Variants in NRXN1 observed in about 807,000 individuals in gnomAD.
NRXN1 encodes the protein neurexin-1.
Under a neutral mutation model 150.9 loss-of-function variants are expected in NRXN1, and 39 were observed. The ratio of observed to expected loss-of-function variants is 0.26; its 90% CI spans 0.20 to 0.34. The LOEUF is 0.34. Among genes scored for constraint, NRXN1 ranks in the 10% least tolerant of loss-of-function variants. NRXN1 has a pLI of 1.00. For missense variants in NRXN1, 1,815 were observed against 1,949.9 expected (o/e 0.93, Z 1.30); for synonymous variants, 924 against 757.0 (o/e 1.22, Z -3.62).
intron 17 of NRXN1, among the ~76,000 whole-genome samples, chr2:50,374,011 C>A (rs372216251): frequency 1.3e-5 from 2 of 151,850 alleles, no homozygotes; most frequent in South Asian, 2.1e-4. Flanking sequence ...TAGAATTGCA[C>A]GATGGAGGCT....
intron 21 of NRXN1, among the ~76,000 whole-genome samples, chr2:50,021,975 C>T (rs892803971): frequency 2.6e-5 from 4 of 152,128 alleles, no homozygotes; most frequent in Non-Finnish European, 4.4e-5. Flanking sequence ...CTCAGACTCC[C>T]GAGTAGCTGG....
chr2:50,551,283 C>T (rs936634404), intron 9 of NRXN1: 3 of 152,150 alleles, frequency 2.0e-5, no homozygotes, highest in African/African-American at 7.2e-5. Context: ...TCCTTCTCTC[C>T]ACACTCACTC....
intron 15 of NRXN1, among the ~76,000 whole-genome samples, chr2:50,479,767 CT>C (rs35301086): frequency 2.8e-3 from 225 of 79,856 alleles, no homozygotes; most frequent in African/African-American, 0.01. Flanking sequence ...ATTTCTTTTT[CT>C]TTTTTTTTTT....
chr2:50,292,824 A>G (rs2073095591), intron 17 of NRXN1, among the ~76,000 whole-genome samples: 2 of 152,132 alleles, frequency 1.3e-5, no homozygotes, highest in Non-Finnish European at 2.9e-5. Flanking sequence ...AATCTCAATA[A>G]TGCCAAATCT....
At chr2:50,042,262 C>T (rs59109797) in intron 21 of NRXN1, among the ~76,000 whole-genome samples, 2,580 of 152,174 alleles carry the variant, frequency 0.017, 76 homozygotes, top group African/African-American at 0.059. Context: ...AATTGTAGTT[C>T]CCATAATCCC....
intron 17 of NRXN1, among the ~76,000 whole-genome samples, chr2:50,323,571 C>CTATATATATATATA (rs149609146): frequency 1.0e-4 from 15 of 144,376 alleles, no homozygotes; most frequent in African/African-American, 3.8e-4. Flanking sequence ...GGGAAATAAA[C>CTATATATATATATA]TATATATATA....
chr2:50,123,323 G>A (rs1007735090), intron 18 of NRXN1, among the ~76,000 whole-genome samples: 3 of 152,114 alleles, frequency 2.0e-5, no homozygotes, highest in African/African-American at 4.8e-5. Context: ...AGGAGGTAAC[G>A]AACCATGTTA....
At chr2:50,985,842 A>C (rs1575131987) in intron 2 of NRXN1, among the ~76,000 whole-genome samples, 1 of 151,874 alleles carries the variant, frequency 6.6e-6, no homozygotes. Flanking sequence ...AATGTTTAAA[A>C]AGACTATATA....
chr2:49,974,027 G>C (rs1263035249), intron 21 of NRXN1: 1 of 717,290 alleles, frequency 1.4e-6, no homozygotes, highest in Non-Finnish European at 2.6e-6. Flanking sequence ...TGCGTGCTTA[G>C]AGCTTTTTTC....
At chr2:50,062,491 T>C (rs1694694613) in intron 19 of NRXN1, among the ~76,000 whole-genome samples, 2 of 152,196 alleles carry the variant, frequency 1.3e-5, no homozygotes, top group Non-Finnish European at 2.9e-5. Flanking sequence ...TTATTATCAT[T>C]GCCCAAATGG....
intron 15 of NRXN1, among the ~76,000 whole-genome samples, chr2:50,477,153 G>A (rs996824664): frequency 1.3e-5 from 2 of 152,072 alleles, no homozygotes; most frequent in African/African-American, 4.8e-5. Flanking sequence ...AGGCTTGACT[G>A]GAAGAGAGGA....
At chr2:50,089,881 G>T (rs1699332887) in intron 19 of NRXN1, among the ~76,000 whole-genome samples, 1 of 152,170 alleles carries the variant, frequency 6.6e-6, no homozygotes, top group African/African-American at 2.4e-5. Flanking sequence ...GGGATTAGCA[G>T]GGGCTATGTA....
chr2:50,812,720 AAG>A (rs1011124459), intron 5 of NRXN1, among the ~76,000 whole-genome samples: 1 of 123,314 alleles, frequency 8.1e-6, no homozygotes, highest in Non-Finnish European at 1.7e-5. Context: ...CATAAATAAT[AAG>A]AGTGTGTGTG....
rs35673922 is a variant in NRXN1 at position 50,115,217 on chromosome 2, G to GTATATATATATATA, written c.3547-23737_3547-23724dup. 2.0e-3 allele frequency among the ~76,000 whole-genome samples: 269 copies of GTATATATATATATA among 134,900 alleles called. 3 individuals are homozygous for GTATATATATATATA. The highest frequency in any genetic ancestry group is 2.2e-3 in the South Asian group (9 of 4,162). 88.5% of individuals were successfully genotyped at this position (134,900 alleles called of 152,430 possible). A position where few individuals can be genotyped will look rare whatever the true frequency, so the allele number is the denominator to read the frequency against. On this transcript the variant is annotated intron_variant, in intron 18 of 22. Transcript: ENST00000401669. Reference sequence around the variant, plus strand: ...ACAAAAAAACATATATATGTTATGTGTATATATATATATATATATATATAC... The same window carrying GTATATATATATATA: ...ACAAAAAAACATATATATGTTATGTGTATATATATATATATATATATATATATATATATATATAC...
intron 21 of NRXN1, among the ~76,000 whole-genome samples, chr2:50,010,693 C>A (rs971374345): frequency 6.6e-6 from 1 of 152,052 alleles, no homozygotes; most frequent in African/African-American, 2.4e-5. Context: ...GGTTACACAG[C>A]CCAGCTCCTC....
At chr2:50,272,100 C>T (rs913284265) in intron 17 of NRXN1, among the ~76,000 whole-genome samples, 3 of 152,112 alleles carry the variant, frequency 2.0e-5, no homozygotes, top group Non-Finnish European at 2.9e-5. Flanking sequence ...GGTCCCTGAC[C>T]TTGGGGAGCA....
intron 17 of NRXN1, among the ~76,000 whole-genome samples, chr2:50,440,457 A>G (rs1445180230): frequency 1.3e-5 from 2 of 152,040 alleles, no homozygotes; most frequent in African/African-American, 2.4e-5. Flanking sequence ...AACTGATTGT[A>G]TCTCTGCCCT....
intron 5 of NRXN1, among the ~76,000 whole-genome samples, chr2:50,921,546 T>C (rs998562683): frequency 2.0e-5 from 3 of 151,644 alleles, no homozygotes; most frequent in African/African-American, 7.3e-5. Flanking sequence ...GATCACATAT[T>C]TACAGTTCCT....
At chr2:50,163,638 C>T (rs926280128) in intron 18 of NRXN1, among the ~76,000 whole-genome samples, 5 of 152,098 alleles carry the variant, frequency 3.3e-5, no homozygotes, top group African/African-American at 1.2e-4. Flanking sequence ...GGTAAGCACT[C>T]CTCTAAAGTT....
Sources: gnomAD v4.1 joint callset for allele counts (sites outside exome capture counted in the v4.1 genomes callset) on GRCh38, gnomAD v4.1.1 for gene constraint, MANE v1.5 for transcripts, NCBI Gene and HGNC (gene_info 2026-07-23, HGNC 2026-07-21) for gene names.